PPEF1: variants seen among roughly 807,000 people sequenced by gnomAD.
PPEF1 encodes the protein protein phosphatase with EF-hand domain 1.
A neutral mutation model predicts 53.3 loss-of-function variants in PPEF1; 12 were observed. The observed-to-expected ratio is 0.23, with a 90% CI of 0.14 to 0.36. The LOEUF (loss-of-function observed/expected upper bound fraction) is 0.36, where lower values mean the gene tolerates loss of function less well. Ranked by LOEUF, PPEF1 falls within the 10% of genes least tolerant of loss-of-function variation. PPEF1 has a pLI of 1.00. For synonymous variants in PPEF1, 165 were observed against 176.7 expected (o/e 0.93, Z 0.52); for missense variants, 334 against 490.4 (o/e 0.68, Z 3.01).
chrX:18,685,755 C>A (rs1004903014), intron 2 of PPEF1, among the ~76,000 whole-genome samples: 133 of 108,668 alleles, frequency 1.2e-3, no homozygotes, highest in Non-Finnish European at 1.9e-3. Context: ...GCTGCCATGA[C>A]AACTGTCTGT....
chrX:18,738,240 CA>C (rs1413520435), intron 3 of PPEF1, among the ~76,000 whole-genome samples: 1 of 111,780 alleles, frequency 8.9e-6, no homozygotes, highest in Non-Finnish European at 1.9e-5. Context: ...TACAATTTGG[CA>C]TGTTTTTGCA....
chrX:18,818,219 C>T, intron 13 of PPEF1, 74 bp downstream of exon 13: 2 of 636,341 alleles, frequency 3.1e-6, no homozygotes, highest in Non-Finnish European at 4.7e-6. Context: ...ATTTTCCTTG[C>T]TTCCTTAGGA....
upstream of PPEF1, among the ~76,000 whole-genome samples, chrX:18,707,357 G>A (rs1374532308): frequency 1.8e-5 from 2 of 111,579 alleles, no homozygotes; most frequent in South Asian, 3.7e-4. Context: ...TTAGAAAATC[G>A]TACACTCTCA....
intron 1 of PPEF1, among the ~76,000 whole-genome samples, chrX:18,717,698 AT>A (rs1328127380): frequency 2.3e-4 from 26 of 110,940 alleles, no homozygotes; most frequent in Non-Finnish European, 1.7e-4. Context: ...GGGGCAACAC[AT>A]TCTCCTGGTT....
At chrX:18,814,672 G>A (rs1181929897) in intron 12 of PPEF1, among the ~76,000 whole-genome samples, 7 of 111,123 alleles carry the variant, frequency 6.3e-5, no homozygotes, top group Admixed American at 9.6e-5. Context: ...TCCTTTGCCC[G>A]CTTTTTAATG....
intron 1 of PPEF1, among the ~76,000 whole-genome samples, chrX:18,711,770 T>C (rs1194120120): frequency 2.8e-5 from 3 of 108,246 alleles, no homozygotes; most frequent in African/African-American, 1.0e-4. Context: ...TTTTTTTTTT[T>C]TGAGACGGAG....
chrX:18,688,675 A>G (rs894799126), intron 3 of PPEF1: 1 of 112,348 alleles, frequency 8.9e-6, no homozygotes, highest in Non-Finnish European at 1.9e-5. Context: ...TTTACATATC[A>G]CAACATTCTT....
At chrX:18,770,970 G>A (rs762955356) in intron 6 of PPEF1, among the ~76,000 whole-genome samples, 9 of 112,453 alleles carry the variant, frequency 8.0e-5, no homozygotes, top group Middle Eastern at 4.6e-3. Flanking sequence ...GCTATACACT[G>A]CAGTCACCCA....
intron 6 of PPEF1, among the ~76,000 whole-genome samples, chrX:18,777,613 G>A (rs1298782702): frequency 9.1e-6 from 1 of 110,423 alleles, no homozygotes; most frequent in Non-Finnish European, 1.9e-5. Context: ...TCCGGCTCCC[G>A]GACTCACTCC....
intron 12 of PPEF1, among the ~76,000 whole-genome samples, chrX:18,811,305 G>A (rs1569271117): frequency 9.0e-6 from 1 of 110,676 alleles, no homozygotes; most frequent in Non-Finnish European, 1.9e-5. Flanking sequence ...TGCCCGCCTC[G>A]GCCTCCCAAA....
At chrX:18,712,057 T>G (rs1228122133) in intron 1 of PPEF1, among the ~76,000 whole-genome samples, 1 of 112,253 alleles carries the variant, frequency 8.9e-6, no homozygotes, top group Non-Finnish European at 1.9e-5. Context: ...AGGCCTACTA[T>G]AGCTTTTTTT....
At chrX:18,698,383 A>G (rs943598842) in intron 5 of PPEF1, among the ~76,000 whole-genome samples, 2 of 112,608 alleles carry the variant, frequency 1.8e-5, no homozygotes, top group Non-Finnish European at 3.7e-5. Context: ...GGAGCTGGCC[A>G]TTAAAATAAC....
At chrX:18,751,416 A>G (rs1361453420) in intron 4 of PPEF1, among the ~76,000 whole-genome samples, 3 of 112,257 alleles carry the variant, frequency 2.7e-5, no homozygotes, top group Non-Finnish European at 5.6e-5. Context: ...ATGGATATGC[A>G]TTGTCCCAGC....
chrX:18,715,026 A>G (rs1298609196), intron 1 of PPEF1, among the ~76,000 whole-genome samples: 1 of 111,881 alleles, frequency 8.9e-6, no homozygotes, highest in Non-Finnish European at 1.9e-5. Flanking sequence ...CGTAACCTAC[A>G]TATAAAATCG....
intron 12 of PPEF1, among the ~76,000 whole-genome samples, chrX:18,809,454 C>T (rs1243749301): frequency 4.5e-5 from 5 of 110,485 alleles, no homozygotes; most frequent in Non-Finnish European, 9.4e-5. Context: ...GCTTGTAGTC[C>T]CAGCACTTTG....
At chrX:18,776,401 A>AT (rs2045966783) in intron 6 of PPEF1, among the ~76,000 whole-genome samples, 1 of 110,619 alleles carries the variant, frequency 9.0e-6, no homozygotes, top group African/African-American at 3.3e-5. Context: ...CACCTGGCTG[A>AT]TTTTTTTGTA....
chrX:18,743,968 AAC>A (rs2045264523), intron 3 of PPEF1, among the ~76,000 whole-genome samples: 1 of 110,389 alleles, frequency 9.1e-6, no homozygotes, highest in Non-Finnish European at 1.9e-5. Flanking sequence ...GGCTCCCTGC[AAC>A]CTCCCCGCTG....
chrX:18,814,797 C>T (rs1336985934), intron 12 of PPEF1, among the ~76,000 whole-genome samples: 1 of 111,732 alleles, frequency 8.9e-6, no homozygotes, highest in Non-Finnish European at 1.9e-5. Context: ...AGGTTGCCTG[C>T]TTACTCTGTT....
At chrX:18,792,822 C>T (rs770995870) in intron 10 of PPEF1, among the ~76,000 whole-genome samples, 17 of 111,776 alleles carry the variant, frequency 1.5e-4, no homozygotes, top group African/African-American at 3.2e-4. Context: ...CCCGAGCATA[C>T]GGGCTGAAAG....
Sources: gnomAD v4.1 joint callset for allele counts (sites outside exome capture counted in the v4.1 genomes callset) on GRCh38, gnomAD v4.1.1 for gene constraint, MANE v1.5 for transcripts, NCBI Gene and HGNC (gene_info 2026-07-23, HGNC 2026-07-21) for gene names.